The following AARS1 variants were observed in gnomAD, a reference collection of about 807,000 sequenced individuals.
AARS1 encodes the protein alanine--tRNA ligase, cytoplasmic.
A neutral mutation model predicts 108.9 loss-of-function variants in AARS1; 72 were observed. That is an observed-to-expected ratio of 0.66 (90% confidence interval 0.55 to 0.80). The LOEUF (loss-of-function observed/expected upper bound fraction) is 0.80. AARS1 is among the 30% of genes least tolerant of loss of function. AARS1 has a pLI of 0.00. For missense variants in AARS1, 1,193 were observed against 1,233.2 expected, an observed-to-expected ratio of 0.97 and a Z score of 0.49; for synonymous variants, 489 against 465.7, an observed-to-expected ratio of 1.05 and a Z score of -0.64.
At chr16:70,261,612 A>T (rs1472099347) in intron 12 of AARS1, among the ~76,000 whole-genome samples, 1 of 151,142 alleles carries the variant, frequency 6.6e-6, no homozygotes, top group Non-Finnish European at 1.5e-5. Context: ...AAAAAAAAAA[A>T]AAATTAAATA....
At chr16:70,265,281 G>T in intron 10 of AARS1, 179 bp from the exon 11 acceptor site, 1 of 947,186 alleles carries the variant, frequency 1.1e-6, no homozygotes, top group Non-Finnish European at 1.6e-6. Flanking sequence ...TTGCAGTGTG[G>T]GATGCTGAGG....
intron 10 of AARS1, 118 bp from the exon 11 acceptor site, chr16:70,265,220 T>C (rs1960234583): frequency 1.0e-5 from 13 of 1,303,380 alleles, no homozygotes; most frequent in Non-Finnish European, 1.4e-5. Context: ...TTTTCAATCC[T>C]GGCACTACTG....
Position 70,262,390 on chromosome 16 carries a change from A to G in AARS1, c.1627T>C (p.Tyr543His). ...ACCTTCACCAGGTAGCCTTCGTCAT[A>G]GATCTGGCCTCCTTGCTCAGCATAG... is the stretch of plus-strand genomic sequence containing the variant. ...CFYAEQGGQIYDEGYLVKVDD... is the reference protein window; with the variant it reads ...CFYAEQGGQIHDEGYLVKVDD... The change falls in exon 12 of 21, where the codon TAT (tyrosine) becomes CAT (histidine). Residue 543 changes from tyrosine (Y) to histidine (H), a missense_variant. By Grantham distance (83) the Tyr-to-His change is moderately conservative. Coordinates refer to ENST00000261772, the MANE Select transcript of AARS1 (RefSeq NM_001605.3). 2 of 1,614,172 alleles carry G rather than the reference A, an allele frequency of 1.2e-6. No homozygotes were observed. Among genetic ancestry groups the G allele is most frequent in the Non-Finnish European group, 1.7e-6 (2 of 1,180,034 alleles).
chr16:70,278,150 G>A (rs1368689808), intron 2 of AARS1, among the ~76,000 whole-genome samples: 6 of 152,066 alleles, frequency 3.9e-5, no homozygotes, highest in Non-Finnish European at 7.4e-5. Context: ...AGGCCAAGAA[G>A]GGAGGATTCC....
In AARS1 at chr16:70,252,761, G is replaced by A. The variant is rs747833388; in HGVS notation, c.2867C>T (p.Thr956Ile). 1 of 1,614,206 alleles carries A rather than the reference G, an allele frequency of 6.2e-7. No individual in the cohort carries two copies. The highest frequency in any genetic ancestry group is 1.1e-5 in the South Asian group (1 of 91,090). ...GCLQEALQLA[T>I]SFAQLRLGDV... is the part of the protein sequence containing the mutation. Reference sequence around the variant, plus strand: ...CCCGAGGCGCAGCTGGGCGAAGGAAGTGGCCAGCTGCAGCGCCTCCTGCAG... The same window carrying A: ...CCCGAGGCGCAGCTGGGCGAAGGAAATGGCCAGCTGCAGCGCCTCCTGCAG... The change falls in exon 21 of 21, where the codon ACT (threonine) becomes ATT (isoleucine). Residue 956 changes from threonine (T) to isoleucine (I), a missense_variant. By Grantham distance (89) the Thr-to-Ile change is moderately conservative. Transcript: ENST00000261772.
chr16:70,277,195 AGTG>A, intron 2 of AARS1, 41 bp from the exon 3 acceptor site: 1 of 1,597,134 alleles, frequency 6.3e-7, no homozygotes, highest in Non-Finnish European at 8.6e-7. Flanking sequence ...AAAGGGTGCA[AGTG>A]ATGTCAGGTG....
chr16:70,288,559 T>C (rs1006008581), intron 1 of AARS1, among the ~76,000 whole-genome samples: 21 of 139,992 alleles, frequency 1.5e-4, no homozygotes, highest in African/African-American at 4.9e-4. Context: ...ACGACTGTTC[T>C]GGGCTCTTTT....
At chr16:70,265,252 TCTG>T in intron 10 of AARS1, 150 bp from the exon 11 acceptor site, 1 of 1,118,282 alleles carries the variant, frequency 8.9e-7, no homozygotes, top group Non-Finnish European at 1.3e-6. Context: ...CAGATCATTC[TCTG>T]TTGTGGAAAC....
At chr16:70,275,579 G>A (rs999152312) in intron 4 of AARS1, among the ~76,000 whole-genome samples, 9 of 151,970 alleles carry the variant, frequency 5.9e-5, no homozygotes, top group Non-Finnish European at 1.0e-4. Flanking sequence ...TGGCTAACAC[G>A]GTGAAACCCC....
chr16:70,261,832 G>A (rs1346170386), intron 12 of AARS1, among the ~76,000 whole-genome samples: 1 of 151,686 alleles, frequency 6.6e-6, no homozygotes, highest in East Asian at 2.0e-4. Flanking sequence ...ACCATACCTG[G>A]CTAATTTTTG....
At chr16:70,276,764 TG>T in intron 3 of AARS1, 133 bp from the exon 4 acceptor site, 1 of 1,232,582 alleles carries the variant, frequency 8.1e-7, no homozygotes, top group Non-Finnish European at 1.2e-6. Context: ...GATCAGTTTA[TG>T]TAAGAAATCC....
rs573428297 is a variant in AARS1, at chr16:70,266,336, T to A, written c.1223-674A>T. Among the ~76,000 whole-genome samples, 96 of 126,526 alleles carry A rather than the reference T, an allele frequency of 7.6e-4. 2 individuals carry two copies. In the South Asian group the frequency reaches 0.013, roughly 17 times the overall value. The allele number at this position is 126,526 out of a possible 152,430, so 83.0% of individuals were successfully genotyped here. A position where few individuals can be genotyped will look rare whatever the true frequency, so the allele number is the denominator to read the frequency against. Reference sequence around the variant, plus strand: ...CTCAAAAATAAAAAATAAAAAAAAATAAATAAAAAAATTGCCAGGCGCGGT... The same window carrying A: ...CTCAAAAATAAAAAATAAAAAAAAAAAAATAAAAAAATTGCCAGGCGCGGT... On this transcript the variant is annotated intron_variant, in intron 9 of 20. Coordinates refer to ENST00000261772, the MANE Select transcript of AARS1 (RefSeq NM_001605.3).
intron 19 of AARS1, 70 bp downstream of exon 19, chr16:70,253,644 A>G: frequency 6.5e-7 from 1 of 1,543,434 alleles, no homozygotes. Context: ...GCTCAGAGCC[A>G]CAGAGGCCAC....
At chr16:70,253,531 C>A in intron 19 of AARS1, 150 bp from the exon 20 acceptor site, 2 of 1,009,488 alleles carry the variant, frequency 2.0e-6, no homozygotes. Flanking sequence ...ACCCCAGCGC[C>A]GGGCCCTGCC....
rs1432936990 is a variant in AARS1 at position 70,260,967 on chromosome 16, G to A, written c.1785+77C>T. ...GTGAGCCACCACACCCGGCCCAACA[G>A]TGACAGGACAATTTAAAGCCAGAGG... is the stretch of plus-strand genomic sequence containing the variant. On this transcript the variant is annotated intron_variant, in intron 13 of 20. Coordinates refer to ENST00000261772, the MANE Select transcript of AARS1 (RefSeq NM_001605.3). 5.0e-6 allele frequency: 6 copies of A among 1,209,440 alleles called. No individual in the cohort carries two copies. In the African/African-American group the frequency reaches 9.0e-5, roughly 18 times the overall value. The allele number at this position is 1,209,440 out of a possible 1,614,324, so 74.9% of individuals were successfully genotyped here.
rs753158346 is a variant in AARS1 at position 70,253,986 on chromosome 16, G to A, written c.2453C>T (p.Thr818Ile). 24 of 1,614,058 alleles carry A rather than the reference G, an allele frequency of 1.5e-5. No homozygotes were observed. In the South Asian group the frequency reaches 2.5e-4, roughly 17 times the overall value. ...PQWQKDELRE[T>I]LKSLKKVMDD... ...CATGACCTTCTTTAGGGATTTGAGA[G>A]TCTCCCGCAATTCATCCTTCTGCCA... is the stretch of plus-strand genomic sequence containing the variant. Residue 818 changes from threonine (T) to isoleucine (I), a missense_variant, in exon 18 of 21, where the codon ACT (threonine) becomes ATT (isoleucine). Physicochemically the swap from Thr to Ile is moderately conservative, Grantham distance 89. Transcript: ENST00000261772.
At chr16:70,253,498 T>C (rs1204667529) in intron 19 of AARS1, 117 bp from the exon 20 acceptor site, 1 of 1,070,042 alleles carries the variant, frequency 9.3e-7, no homozygotes, top group Non-Finnish European at 1.4e-6. Flanking sequence ...GAGCAGGGGC[T>C]GTGCCCAGGG....
chr16:70,282,364 G>A (rs545146576), intron 2 of AARS1, among the ~76,000 whole-genome samples: 1 of 148,560 alleles, frequency 6.7e-6, no homozygotes, highest in South Asian at 2.1e-4. Flanking sequence ...TAATGTTTGA[G>A]TACCTACGTA....
Position 70,277,127 on chromosome 16 carries a change from C to T in AARS1, c.172G>A (p.Asp58Asn), listed in dbSNP as rs1235423054. Reference sequence around the variant, plus strand: ...AGCTTTGCCATGGGGTGAGATGGGTCAATTGTGTTCAGGAAAATGGGTTTA... The same window carrying T: ...AGCTTTGCCATGGGGTGAGATGGGTTAATTGTGTTCAGGAAAATGGGTTTA... ...QFKPIFLNTI[D>N]PSHPMAKLSR... The change falls in exon 3 of 21, where the codon GAC (aspartate) becomes AAC (asparagine). Residue 58 changes from aspartate to asparagine, a missense_variant. Asp to Asn is a conservative substitution (Grantham distance 23, BLOSUM62 1). Transcript: ENST00000261772. 6.2e-7 allele frequency: 1 copy of T among 1,613,906 alleles called. No individual in the cohort carries two copies. The highest frequency in any genetic ancestry group is 2.2e-5 in the East Asian group (1 of 44,898).
Sources: gnomAD v4.1 joint callset for allele counts (sites outside exome capture counted in the v4.1 genomes callset) on GRCh38, gnomAD v4.1.1 for gene constraint, MANE v1.5 for transcripts, NCBI Gene and HGNC (gene_info 2026-07-23, HGNC 2026-07-21) for gene names.